The following GPR158 variants were observed in gnomAD, a reference collection of about 807,000 sequenced individuals.
GPR158 encodes the protein G protein-coupled receptor 158.
Under a neutral mutation model 78.2 loss-of-function variants are expected in GPR158, and 30 were observed. The ratio of observed to expected loss-of-function variants is 0.38; its 90% CI spans 0.29 to 0.52. The LOEUF is 0.52. Among genes scored for constraint, GPR158 ranks in the 20% least tolerant of loss-of-function variants. The pLI, the probability that GPR158 is intolerant of heterozygous loss-of-function variation, is 0.83. For synonymous variants in GPR158, 581 were observed against 591.1 expected, an observed-to-expected ratio of 0.98 and a Z score of 0.25; for missense variants, 1,463 against 1,523.5, an observed-to-expected ratio of 0.96 and a Z score of 0.66.
At chr10:25,310,747 TTA>T (rs1457702635) in intron 2 of GPR158, among the ~76,000 whole-genome samples, 1 of 152,036 alleles carries the variant, frequency 6.6e-6, no homozygotes, top group African/African-American at 2.4e-5. Context: ...GAAGTGAAAT[TTA>T]TTATTTTTCT....
At chr10:25,244,363 T>G (rs1375116691) in intron 2 of GPR158, among the ~76,000 whole-genome samples, 1 of 152,222 alleles carries the variant, frequency 6.6e-6, no homozygotes. Context: ...AGCCACTGCC[T>G]TTTCTTTATA....
intron 5 of GPR158, among the ~76,000 whole-genome samples, chr10:25,481,327 A>C (rs1274695304): frequency 6.6e-6 from 1 of 152,106 alleles, no homozygotes; most frequent in Non-Finnish European, 1.5e-5. Context: ...CAGTTTCTGC[A>C]TTTATGCAGA....
chr10:25,379,111 A>C lies in GPR158; in HGVS notation c.1009-16800A>C, dbSNP rs573229694. Among the ~76,000 whole-genome samples, 14 of 152,254 alleles carry C rather than the reference A, an allele frequency of 9.2e-5. No individual in the cohort carries two copies. The East Asian group carries it at 2.1e-3, about 23-fold the overall frequency. The stretch of plus-strand genomic sequence containing the variant: ...CAACCCCACCTGCCTTTTATATTGC[A>C]TTTAATTTCAATATACGTCTTAAAT... On this transcript the variant is annotated intron_variant, in intron 2 of 10. Coordinates refer to ENST00000376351, the MANE Select transcript of GPR158 (RefSeq NM_020752.3).
At chr10:25,583,674 A>G (rs898863480) in intron 7 of GPR158, among the ~76,000 whole-genome samples, 4 of 152,042 alleles carry the variant, frequency 2.6e-5, no homozygotes, top group Non-Finnish European at 5.9e-5. Flanking sequence ...TTTTACTTTA[A>G]CCATGAATTT....
At chr10:25,333,382 G>A (rs1294928075) in intron 2 of GPR158, among the ~76,000 whole-genome samples, 1 of 152,088 alleles carries the variant, frequency 6.6e-6, no homozygotes, top group African/African-American at 2.4e-5. Flanking sequence ...CATTTTTTAG[G>A]TATCCCAGTG....
chr10:25,520,891 G>A (rs1030723209), intron 5 of GPR158, among the ~76,000 whole-genome samples: 11 of 152,314 alleles, frequency 7.2e-5, no homozygotes, highest in South Asian at 2.1e-4. Flanking sequence ...GGTGGGCTCC[G>A]CCCAGTTGGA....
intron 5 of GPR158, among the ~76,000 whole-genome samples, chr10:25,548,663 C>A (rs1299626958): frequency 6.6e-6 from 1 of 152,168 alleles, no homozygotes; most frequent in Non-Finnish European, 1.5e-5. Flanking sequence ...CCGAGGGAGA[C>A]TGGATTCAAA....
intron 10 of GPR158, among the ~76,000 whole-genome samples, chr10:25,597,101 A>G (rs947378399): frequency 2.0e-5 from 3 of 152,214 alleles, no homozygotes; most frequent in Non-Finnish European, 4.4e-5. Context: ...AACGTGTTCC[A>G]TAATACATGT....
At chr10:25,247,843 G>A (rs1313237793) in intron 2 of GPR158, among the ~76,000 whole-genome samples, 10 of 148,238 alleles carry the variant, frequency 6.7e-5, no homozygotes, top group Admixed American at 6.7e-4. Context: ...TAATGGGATG[G>A]CTGGGTCAAA....
chr10:25,461,053 A>C lies in GPR158; in HGVS notation c.1336-5598A>C, dbSNP rs369548685. Among the ~76,000 whole-genome samples the C allele has an allele frequency of 7.9e-5, 12 of 152,316 alleles. No individual in the cohort carries two copies. The East Asian group carries it at 1.7e-3, about 22-fold the overall frequency. ...GTTCTGTCTGCTCCACCAACTAGCAATTCCTCCATCTTTCTCCCTCTCCTC... is the reference window on the plus strand; with the variant it reads ...GTTCTGTCTGCTCCACCAACTAGCACTTCCTCCATCTTTCTCCCTCTCCTC... On this transcript the variant is annotated intron_variant, in intron 4 of 10. Transcript: ENST00000376351.
chr10:25,496,579 G>A (rs1835883564), intron 5 of GPR158, among the ~76,000 whole-genome samples: 1 of 152,204 alleles, frequency 6.6e-6, no homozygotes, highest in South Asian at 2.1e-4. Context: ...AGGATGCTTG[G>A]AAGAATTAGG....
chr10:25,520,670 C>G (rs1485016763), intron 5 of GPR158, among the ~76,000 whole-genome samples: 1 of 151,828 alleles, frequency 6.6e-6, no homozygotes, highest in Non-Finnish European at 1.5e-5. Context: ...GGGGGTGCCT[C>G]CCAGTTAGGC....
intron 4 of GPR158, among the ~76,000 whole-genome samples, chr10:25,462,180 G>A (rs990049358): frequency 3.9e-5 from 6 of 152,112 alleles, no homozygotes; most frequent in Non-Finnish European, 8.8e-5. Flanking sequence ...AAAATCCTGC[G>A]GGCCTTAAGA....
intron 4 of GPR158, among the ~76,000 whole-genome samples, chr10:25,429,784 G>C (rs567120173): frequency 7.0e-6 from 1 of 142,624 alleles, no homozygotes; most frequent in East Asian, 2.0e-4. Context: ...AATAGATGAA[G>C]AAAAGGCCTT....
chr10:25,413,115 G>A (rs1330751688), intron 4 of GPR158, among the ~76,000 whole-genome samples: 2 of 152,050 alleles, frequency 1.3e-5, no homozygotes, highest in Non-Finnish European at 2.9e-5. Flanking sequence ...GAGGCCAGGA[G>A]TTTGAGACCA....
chr10:25,357,528 A>T (rs986865126), intron 2 of GPR158, among the ~76,000 whole-genome samples: 3 of 152,106 alleles, frequency 2.0e-5, no homozygotes, highest in African/African-American at 7.2e-5. Context: ...CAGCTGCTCC[A>T]GTCATGACCA....
At chr10:25,412,177 C>T in intron 3 of GPR158, 73 bp from the exon 4 acceptor site, 2 of 1,010,266 alleles carry the variant, frequency 2.0e-6, no homozygotes, top group Non-Finnish European at 3.2e-6. Flanking sequence ...TCACGGATGT[C>T]TTTTGACTCT....
chr10:25,262,217 G>C (rs190161356), intron 2 of GPR158, among the ~76,000 whole-genome samples: 2 of 152,126 alleles, frequency 1.3e-5, no homozygotes, highest in African/African-American at 4.8e-5. Context: ...TTGACTTAGT[G>C]GGGAGAGTGG....
At chr10:25,361,949 C>T (rs1195555526) in intron 2 of GPR158, among the ~76,000 whole-genome samples, 1 of 151,798 alleles carries the variant, frequency 6.6e-6, no homozygotes, top group Non-Finnish European at 1.5e-5. Flanking sequence ...TCTGTTGTGT[C>T]CTTCAGTGCA....
Sources: allele counts gnomAD v4.1 joint callset (sites outside exome capture counted in the v4.1 genomes callset), GRCh38; gene constraint gnomAD v4.1.1; transcripts MANE v1.5; gene names NCBI Gene and HGNC (gene_info 2026-07-23, HGNC 2026-07-21).